The following CALCR variants were observed in gnomAD, a reference collection of about 807,000 sequenced individuals.
The protein encoded by CALCR is calcitonin receptor.
Under a neutral mutation model 59.5 loss-of-function variants are expected in CALCR, and 47 were observed. The observed-to-expected ratio is 0.79, with a 90% CI of 0.63 to 1.01. The LOEUF (loss-of-function observed/expected upper bound fraction) is 1.01, where lower values mean the gene tolerates loss of function less well. Ranked by LOEUF, CALCR falls within the 50% of genes least tolerant of loss-of-function variation. The pLI, the probability that CALCR is intolerant of heterozygous loss-of-function variation, is 0.00. For synonymous variants in CALCR, 213 were observed against 211.3 expected (o/e 1.01, Z -0.07); for missense variants, 566 against 597.1 (o/e 0.95, Z 0.54).
At chr7:93,548,293 G>T (rs1293366086) in intron 2 of CALCR, among the ~76,000 whole-genome samples, 3 of 152,106 alleles carry the variant, frequency 2.0e-5, no homozygotes, top group African/African-American at 4.8e-5. Context: ...CCAAACACTA[G>T]GACTTGTTGG....
chr7:93,519,470 C>G (rs1801713904), intron 2 of CALCR, among the ~76,000 whole-genome samples: 1 of 151,966 alleles, frequency 6.6e-6, no homozygotes, highest in African/African-American at 2.4e-5. Flanking sequence ...AAATGATAGT[C>G]TGTCTTTATA....
Position 93,534,822 on chromosome 7 carries a change from G to A in CALCR, c.-27+39467C>T, listed in dbSNP as rs112773022. 2.6e-5 allele frequency among the ~76,000 whole-genome samples: 4 copies of A among 151,640 alleles called. No homozygotes were observed. The Admixed American group carries it at 2.6e-4, about 10-fold the overall frequency. On this transcript the variant is annotated intron_variant, in intron 2 of 13. Transcript: ENST00000426151. ...ATATTTATTCTAATCCTAGTCCAGA[G>A]AGCTAGTGTTTAGAAATATATAGAT... is the stretch of plus-strand genomic sequence containing the variant.
At chr7:93,440,202 A>T (rs998742530) in intron 9 of CALCR, among the ~76,000 whole-genome samples, 47 of 152,276 alleles carry the variant, frequency 3.1e-4, no homozygotes, top group African/African-American at 1.1e-3. Flanking sequence ...ATCTTTTAAA[A>T]GTATGTAGGT....
chr7:93,449,352 T>A (rs1800064434), intron 8 of CALCR, among the ~76,000 whole-genome samples: 2 of 152,080 alleles, frequency 1.3e-5, no homozygotes. Context: ...AGAGACTGAA[T>A]GATAAAGATT....
chr7:93,511,687 T>C (rs1389373981), intron 2 of CALCR, among the ~76,000 whole-genome samples: 1 of 152,162 alleles, frequency 6.6e-6, no homozygotes, highest in East Asian at 1.9e-4. Context: ...TTATTAAACA[T>C]ACACTAAATA....
intron 2 of CALCR, among the ~76,000 whole-genome samples, chr7:93,525,847 A>G (rs546651453): frequency 1.3e-5 from 2 of 152,258 alleles, no homozygotes; most frequent in East Asian, 3.9e-4. Flanking sequence ...TTTAAAAGTG[A>G]CTGATTTTGG....
rs144727461 is a variant in CALCR, at chr7:93,506,359, C to T, written c.-26-19352G>A. On this transcript the variant is annotated intron_variant, in intron 2 of 13. Transcript: ENST00000426151. ...TTATTAAAGACCAATTTCATGGTTTCTCATCCATATTCTCCTGCAGGTGTG... is the reference window on the plus strand; with the variant it reads ...TTATTAAAGACCAATTTCATGGTTTTTCATCCATATTCTCCTGCAGGTGTG... Among the ~76,000 whole-genome samples the T allele has an allele frequency of 4.7e-3, 711 of 152,190 alleles. 6 individuals are homozygous for T. The highest frequency in any genetic ancestry group is 0.016 in the African/African-American group (681 of 41,540).
At chr7:93,486,762 G>A (rs147774910) in intron 3 of CALCR, among the ~76,000 whole-genome samples, 169 bp downstream of exon 3, 1,587 of 151,624 alleles carry the variant, frequency 0.01, 10 homozygotes, top group Non-Finnish European at 0.016. Context: ...GTTCAGAGGA[G>A]AGATTTGTTA....
At position 93,549,485 on chromosome 7, in the gene CALCR, A is replaced by T. The variant is rs149843571; in HGVS notation, c.-27+24804T>A. Among the ~76,000 whole-genome samples, 282 of 152,278 alleles carry T rather than the reference A, an allele frequency of 1.9e-3. 2 individuals are homozygous for T. Among genetic ancestry groups the T allele is most frequent in the African/African-American group, 6.4e-3 (265 of 41,572 alleles). ...ACCATTTAAAATACTCAGCTTAGGA[A>T]GTTGCTGTTAAATAACATAAAGACA... On this transcript the variant is annotated intron_variant, in intron 2 of 13. Coordinates refer to ENST00000426151, the MANE Select transcript of CALCR (RefSeq NM_001742.4).
At chr7:93,447,874 T>C (rs1001375140) in intron 8 of CALCR, among the ~76,000 whole-genome samples, 2 of 151,938 alleles carry the variant, frequency 1.3e-5, no homozygotes, top group Admixed American at 6.6e-5. Flanking sequence ...CTATCACTCT[T>C]TGAAACCATA....
At chr7:93,475,368 T>A (rs1800645205) in intron 5 of CALCR, among the ~76,000 whole-genome samples, 1 of 151,776 alleles carries the variant, frequency 6.6e-6, no homozygotes, top group African/African-American at 2.4e-5. Flanking sequence ...TTAAAGCATC[T>A]CTATTGGACA....
chr7:93,424,888 A>T lies in CALCR; in HGVS notation c.*1468T>A, dbSNP rs773366692. 4 of 152,556 alleles carry T rather than the reference A, an allele frequency of 2.6e-5. No homozygotes were observed. The highest frequency in any genetic ancestry group is 5.9e-5 in the Non-Finnish European group (4 of 68,002). The allele number at this position is 152,556 out of a possible 1,614,324, so 9.5% of individuals were successfully genotyped here. ...CATTTTCTCTGTAGAAATATAATTAATTTTCTCTGGGTGCGCTAAATATGT... is the reference window on the plus strand; with the variant it reads ...CATTTTCTCTGTAGAAATATAATTATTTTTCTCTGGGTGCGCTAAATATGT... On this transcript the variant is annotated 3_prime_UTR_variant, in exon 14 of 14. Coordinates refer to ENST00000426151, the MANE Select transcript of CALCR (RefSeq NM_001742.4).
intron 2 of CALCR, among the ~76,000 whole-genome samples, chr7:93,540,309 T>A (rs1400345321): frequency 6.6e-6 from 1 of 152,188 alleles, no homozygotes; most frequent in Non-Finnish European, 1.5e-5. Context: ...GTAAATACAT[T>A]GGCCCATTTG....
intron 9 of CALCR, chr7:93,441,381 ACAC>A (rs922917033): frequency 2.7e-4 from 95 of 353,058 alleles, no homozygotes; most frequent in Non-Finnish European, 4.7e-4. Flanking sequence ...CATTTGATCA[ACAC>A]CAATTATTAT....
intron 2 of CALCR, among the ~76,000 whole-genome samples, chr7:93,493,586 G>A (rs547205918): frequency 2.5e-4 from 38 of 151,460 alleles, no homozygotes; most frequent in African/African-American, 7.7e-4. Context: ...CCTCCAACTC[G>A]TGTTCTATAT....
intron 8 of CALCR, among the ~76,000 whole-genome samples, chr7:93,460,554 T>TAA (rs71537257): frequency 4.9e-4 from 39 of 79,278 alleles, no homozygotes; most frequent in African/African-American, 1.5e-3. Flanking sequence ...AGACTCTATC[T>TAA]AAAAAAAAAA....
chr7:93,544,936 G>T (rs1443676998), intron 2 of CALCR, among the ~76,000 whole-genome samples: 1 of 152,160 alleles, frequency 6.6e-6, no homozygotes, highest in Non-Finnish European at 1.5e-5. Flanking sequence ...CCACTGTGCA[G>T]CTTTCCCAGG....
intron 2 of CALCR, among the ~76,000 whole-genome samples, chr7:93,562,460 A>C (rs895015309): frequency 6.6e-6 from 1 of 152,224 alleles, no homozygotes; most frequent in African/African-American, 2.4e-5. Context: ...AAGACATTAT[A>C]ATTAATAAAA....
At chr7:93,517,796 C>A (rs562877460) in intron 2 of CALCR, among the ~76,000 whole-genome samples, 1 of 151,882 alleles carries the variant, frequency 6.6e-6, no homozygotes, top group South Asian at 2.1e-4. Context: ...GATAAGGAAA[C>A]CTCATTGAGT....
Sources: allele counts gnomAD v4.1 joint callset (sites outside exome capture counted in the v4.1 genomes callset), GRCh38; gene constraint gnomAD v4.1.1; transcripts MANE v1.5; gene names NCBI Gene and HGNC (gene_info 2026-07-23, HGNC 2026-07-21).